Variants in LRIG1 observed in about 807,000 individuals in gnomAD.
LRIG1 encodes leucine-rich repeats and immunoglobulin-like domains protein 1.
LRIG1 carries 48 observed loss-of-function variants against 99.2 expected under a neutral mutation model. That is an observed-to-expected ratio of 0.48 (90% CI 0.38 to 0.62). LRIG1 has a LOEUF of 0.62. Ranked by LOEUF, LRIG1 falls within the 20% of genes least tolerant of loss-of-function variation. The probability of loss-of-function intolerance (pLI) is 0.00; values close to 1 mark genes in which losing one functional copy is unlikely to be tolerated. For synonymous variants in LRIG1, 772 were observed against 596.1 expected, an observed-to-expected ratio of 1.29 and a Z score of -4.30; for missense variants, 1,646 against 1,434.4, an observed-to-expected ratio of 1.15 and a Z score of -2.38.
chr3:66,423,000 G>C (rs1233103707), intron 3 of LRIG1, among the ~76,000 whole-genome samples: 3 of 152,142 alleles, frequency 2.0e-5, no homozygotes, highest in Admixed American at 6.6e-5. Context: ...TATGAGAACA[G>C]CACAGGAAGG....
intron 6 of LRIG1, among the ~76,000 whole-genome samples, chr3:66,412,101 G>A (rs1365067835): frequency 1.3e-5 from 2 of 152,218 alleles, no homozygotes; most frequent in African/African-American, 4.8e-5. Context: ...GCTGTTTCAC[G>A]TTACCGTGCA....
At chr3:66,442,524 C>G (rs981641812) in intron 3 of LRIG1, among the ~76,000 whole-genome samples, 1 of 152,106 alleles carries the variant, frequency 6.6e-6, no homozygotes, top group African/African-American at 2.4e-5. Context: ...GAGCCAACCC[C>G]TTTCACACGG....
chr3:66,456,510 C>T (rs1700224507), intron 2 of LRIG1, among the ~76,000 whole-genome samples: 1 of 149,234 alleles, frequency 6.7e-6, no homozygotes, highest in African/African-American at 2.5e-5. Flanking sequence ...GAATTTGAGG[C>T]TGCAGTCAGC....
At chr3:66,408,912 C>CAG (rs1702366781) in intron 7 of LRIG1, among the ~76,000 whole-genome samples, 2 of 94,628 alleles carry the variant, frequency 2.1e-5, no homozygotes, top group East Asian at 5.4e-4. Flanking sequence ...AACTCCAAGT[C>CAG]AGTGTGTGTG....
chr3:66,417,319 C>T (rs1702644917), intron 3 of LRIG1, 53 bp from the exon 4 acceptor site: 4 of 1,583,424 alleles, frequency 2.5e-6, no homozygotes, highest in Non-Finnish European at 3.5e-6. Flanking sequence ...AAAGTAACTA[C>T]AAGAAACTAG....
At chr3:66,486,094 CAT>C (rs1439243955) in intron 1 of LRIG1, among the ~76,000 whole-genome samples, 1 of 152,158 alleles carries the variant, frequency 6.6e-6, no homozygotes, top group East Asian at 1.9e-4. Flanking sequence ...CAATATTTTT[CAT>C]AGAGTTAAGA....
At position 66,407,382 on chromosome 3, in the gene LRIG1, C is replaced by G. The variant is rs538036203; in HGVS notation, c.1045G>C (p.Gly349Arg). 3 of 1,614,104 alleles carry G rather than the reference C, an allele frequency of 1.9e-6. No homozygotes were observed. The highest frequency in any genetic ancestry group is 2.2e-5 in the South Asian group (2 of 91,074). Residue 349 changes from glycine (G) to arginine (R), a missense_variant, in exon 8 of 19, where the codon GGT becomes CGT. Coordinates refer to ENST00000273261, the MANE Select transcript of LRIG1 (RefSeq NM_015541.3). ...AGGCTCCTGAGTCCCTTGAAGGCAC[C>G]CTCCGCAATGTGGCTGATGGAATTG... ...SHNSISHIAE[G>R]AFKGLRSLRV...
chr3:66,386,424 G>T, intron 12 of LRIG1, 123 bp from the exon 13 acceptor site: 1 of 770,550 alleles, frequency 1.3e-6, no homozygotes, highest in Non-Finnish European at 2.2e-6. Flanking sequence ...AGGTCCCTGT[G>T]CATCCTCAGC....
At position 66,383,339 on chromosome 3, in the gene LRIG1, G is replaced by C; in HGVS notation, c.2134C>G (p.Leu712Val). Reference sequence around the variant, plus strand: ...GGGTTCCCCGTGGCTTTGCATTGGAGGGCCACTGTTTCTCCCACAGATACC... The same window carrying C: ...GGGTTCCCCGTGGCTTTGCATTGGACGGCCACTGTTTCTCCCACAGATACC... ...RVVSVGETVALQCKATGNPPP... is the reference protein window; with the variant it reads ...RVVSVGETVAVQCKATGNPPP... The change falls in exon 15 of 19, where the codon CTC becomes GTC. Residue 712 changes from leucine (L) to valine (V), a missense_variant. By Grantham distance (32) the Leu-to-Val change is conservative. Transcript: ENST00000273261. The C allele has an allele frequency of 2.5e-6, 4 of 1,595,994 alleles. No homozygotes were observed. Among genetic ancestry groups the C allele is most frequent in the Non-Finnish European group, 3.4e-6 (4 of 1,166,786 alleles).
At chr3:66,490,380 C>T (rs780418243) in intron 1 of LRIG1, among the ~76,000 whole-genome samples, 5 of 152,216 alleles carry the variant, frequency 3.3e-5, no homozygotes, top group African/African-American at 4.8e-5. Context: ...GCAACGAGCT[C>T]TTCTGACTGT....
At chr3:66,460,292 T>C (rs1444677472) in intron 2 of LRIG1, among the ~76,000 whole-genome samples, 3 of 152,180 alleles carry the variant, frequency 2.0e-5, no homozygotes, top group Non-Finnish European at 4.4e-5. Context: ...TTTGAATATA[T>C]TCTAACCACA....
intron 3 of LRIG1, among the ~76,000 whole-genome samples, chr3:66,419,771 CTG>C (rs1702744920): frequency 6.6e-6 from 1 of 151,818 alleles, no homozygotes; most frequent in Non-Finnish European, 1.5e-5. Flanking sequence ...CTGATCAAAG[CTG>C]CTGGCCTCTC....
chr3:66,434,169 T>C (rs746091826), intron 3 of LRIG1, among the ~76,000 whole-genome samples: 1 of 152,224 alleles, frequency 6.6e-6, no homozygotes, highest in Non-Finnish European at 1.5e-5. Flanking sequence ...TGAGAGAAAG[T>C]ATTTACAAAT....
rs994969935 is a variant in LRIG1 at position 66,383,472 on chromosome 3, G to C, written c.2072-71C>G. 4.5e-6 allele frequency: 6 copies of C among 1,324,408 alleles called. No individual in the cohort carries two copies. The Admixed American group carries it at 1.4e-4, about 31-fold the overall frequency. The allele number at this position is 1,324,408 out of a possible 1,614,324, so 82.0% of individuals were successfully genotyped here. ...TGCTCTGGCTCTGCCCGGTCTTCTGGACAACGGACAATCCAACATATCAAT... is the reference window on the plus strand; with the variant it reads ...TGCTCTGGCTCTGCCCGGTCTTCTGCACAACGGACAATCCAACATATCAAT... On this transcript the variant is annotated intron_variant, in intron 14 of 18. Transcript: ENST00000273261.
chr3:66,438,568 G>A (rs1034723049), intron 3 of LRIG1, among the ~76,000 whole-genome samples: 7 of 152,126 alleles, frequency 4.6e-5, no homozygotes, highest in African/African-American at 1.7e-4. Context: ...CCTGACACTC[G>A]TTCCTCTGAA....
At chr3:66,387,762 C>A (rs1319202045) in intron 12 of LRIG1, 1 of 151,744 alleles carries the variant, frequency 6.6e-6, no homozygotes, top group African/African-American at 2.4e-5. Flanking sequence ...CAATTATAGG[C>A]ATATTCAAAC....
chr3:66,439,625 G>A (rs991921867), intron 3 of LRIG1, among the ~76,000 whole-genome samples: 15 of 151,878 alleles, frequency 9.9e-5, no homozygotes, highest in Non-Finnish European at 1.8e-4. Flanking sequence ...AGGTGTTTAA[G>A]GAGCTTAGAA....
At chr3:66,382,427 C>T (rs1575641906) in intron 15 of LRIG1, 29 bp from the exon 16 acceptor site, 4 of 1,613,868 alleles carry the variant, frequency 2.5e-6, no homozygotes, top group African/African-American at 1.3e-5. Flanking sequence ...AATAGAACAC[C>T]AGGGTCTCAG....
intron 3 of LRIG1, among the ~76,000 whole-genome samples, chr3:66,428,897 T>C (rs1703065922): frequency 6.6e-6 from 1 of 152,240 alleles, no homozygotes. Flanking sequence ...CTGCTGCTGG[T>C]GAATCACCAG....
Sources: allele counts gnomAD v4.1 joint callset (sites outside exome capture counted in the v4.1 genomes callset), GRCh38; gene constraint gnomAD v4.1.1; transcripts MANE v1.5; gene names NCBI Gene and HGNC (gene_info 2026-07-23, HGNC 2026-07-21).